Variants in THRB observed in about 807,000 individuals in gnomAD.
THRB encodes nuclear receptor subfamily 1 group A member 2.
THRB carries 12 observed loss-of-function variants against 47.8 expected under a neutral mutation model. The observed-to-expected ratio is 0.25, with a 90% CI of 0.16 to 0.41. The LOEUF (loss-of-function observed/expected upper bound fraction) is 0.41. Among genes scored for constraint, THRB ranks in the 10% least tolerant of loss-of-function variants. The pLI, the probability that THRB is intolerant of heterozygous loss-of-function variation, is 1.00. For synonymous variants in THRB, 218 were observed against 212.2 expected (o/e 1.03, Z -0.24); for missense variants, 348 against 589.2 (o/e 0.59, Z 4.24).
intron 3 of THRB, among the ~76,000 whole-genome samples, chr3:24,293,151 T>C (rs2056112157): frequency 6.6e-6 from 1 of 152,170 alleles, no homozygotes; most frequent in Non-Finnish European, 1.5e-5. Flanking sequence ...CCATCATCAT[T>C]TTGGGGTGGT....
At chr3:24,233,198 A>C (rs1184703915) in intron 3 of THRB, among the ~76,000 whole-genome samples, 1 of 152,218 alleles carries the variant, frequency 6.6e-6, no homozygotes, top group Non-Finnish European at 1.5e-5. Flanking sequence ...GAAACTGAAA[A>C]GTAAATGGAA....
chr3:24,281,967 C>T (rs1337491642), intron 3 of THRB, among the ~76,000 whole-genome samples: 2 of 145,580 alleles, frequency 1.4e-5, no homozygotes, highest in Non-Finnish European at 3.0e-5. Context: ...GAGAGTTAGA[C>T]TCCCACACAT....
chr3:24,458,468 C>T (rs1047739895), intron 1 of THRB: 5 of 152,116 alleles, frequency 3.3e-5, no homozygotes, highest in African/African-American at 1.2e-4. Context: ...TGAAGAATAC[C>T]CCATTTGCAA....
intron 1 of THRB, among the ~76,000 whole-genome samples, chr3:24,418,241 G>C (rs2068920095): frequency 8.1e-6 from 1 of 123,216 alleles, no homozygotes; most frequent in Admixed American, 8.1e-5. Flanking sequence ...CAAGGGTATA[G>C]GGATTAAAAA....
At chr3:24,341,218 AACATGAGATT>A (rs1223171553) in intron 1 of THRB, among the ~76,000 whole-genome samples, 1 of 87,412 alleles carries the variant, frequency 1.1e-5, no homozygotes, top group Admixed American at 1.4e-4. Flanking sequence ...TAAAACAATT[AACATGAGATT>A]ACCTTTTTTT....
chr3:24,422,759 A>G (rs2069389813), intron 1 of THRB, among the ~76,000 whole-genome samples: 1 of 151,908 alleles, frequency 6.6e-6, no homozygotes. Context: ...TCCAGAATCC[A>G]ACAATGAAGG....
chr3:24,158,216 A>T (rs558093355), intron 5 of THRB, among the ~76,000 whole-genome samples: 1 of 152,298 alleles, frequency 6.6e-6, no homozygotes, highest in Non-Finnish European at 1.5e-5. Context: ...GTAACGATCA[A>T]CTGAACTAGA....
chr3:24,484,725 C>T (rs912006450), intron 1 of THRB, among the ~76,000 whole-genome samples: 3 of 152,112 alleles, frequency 2.0e-5, no homozygotes, highest in African/African-American at 4.8e-5. Context: ...TTTTGTACTA[C>T]AATGGCAGAC....
intron 3 of THRB, among the ~76,000 whole-genome samples, chr3:24,235,432 C>G (rs117362499): frequency 6.6e-6 from 1 of 152,138 alleles, no homozygotes; most frequent in Admixed American, 6.6e-5. Context: ...TCATCATCAA[C>G]CTTTTGTGGC....
At chr3:24,323,345 T>A (rs143983918) in intron 2 of THRB, among the ~76,000 whole-genome samples, 2 of 152,048 alleles carry the variant, frequency 1.3e-5, no homozygotes. Context: ...GCTCTGTTTG[T>A]TTTCAAATAG....
At chr3:24,326,382 C>T (rs563364942) in intron 2 of THRB, among the ~76,000 whole-genome samples, 34 of 152,186 alleles carry the variant, frequency 2.2e-4, no homozygotes, top group African/African-American at 7.2e-4. Context: ...ATTACAGGTG[C>T]CCACCACCAT....
chr3:24,155,138 A>G (rs568961188), intron 5 of THRB, among the ~76,000 whole-genome samples: 1 of 152,332 alleles, frequency 6.6e-6, no homozygotes, highest in South Asian at 2.1e-4. Flanking sequence ...CAATTTATGT[A>G]GATGGTGTTT....
At chr3:24,313,364 T>C (rs1470336872) in intron 2 of THRB, among the ~76,000 whole-genome samples, 2 of 152,196 alleles carry the variant, frequency 1.3e-5, no homozygotes, top group African/African-American at 2.4e-5. Flanking sequence ...TTGGATGTAG[T>C]GCTCCATCAA....
chr3:24,409,931 G>A (rs2068142093), intron 1 of THRB, among the ~76,000 whole-genome samples: 1 of 151,784 alleles, frequency 6.6e-6, no homozygotes, highest in South Asian at 2.1e-4. Context: ...TATTCATTCA[G>A]ATTATTTCAA....
intron 2 of THRB, among the ~76,000 whole-genome samples, chr3:24,305,846 C>G (rs2057299149): frequency 6.6e-6 from 1 of 152,156 alleles, no homozygotes; most frequent in South Asian, 2.1e-4. Context: ...ATGCAGCATT[C>G]AAAATCAGGT....
At chr3:24,189,590 A>G (rs1425176756) in intron 5 of THRB, among the ~76,000 whole-genome samples, 1 of 152,162 alleles carries the variant, frequency 6.6e-6, no homozygotes, top group African/African-American at 2.4e-5. Context: ...TGACACAAGG[A>G]TTTAATGAGT....
At chr3:24,482,029 TAAAC>T (rs140701073) in intron 1 of THRB, among the ~76,000 whole-genome samples, 3,381 of 152,168 alleles carry the variant, frequency 0.022, 127 homozygotes, top group African/African-American at 0.077. Flanking sequence ...TTGTTATCAA[TAAAC>T]AGACAGTAAC....
chr3:24,126,447 T>A (rs1001726733), intron 10 of THRB, among the ~76,000 whole-genome samples: 1 of 152,210 alleles, frequency 6.6e-6, no homozygotes, highest in Admixed American at 6.5e-5. Flanking sequence ...GAATTCTCGA[T>A]GTACTTGTGA....
chr3:24,326,501 G>A (rs149610741), intron 2 of THRB, among the ~76,000 whole-genome samples: 2,103 of 152,262 alleles, frequency 0.014, 22 homozygotes, highest in Non-Finnish European at 0.021. Context: ...CTCCCAAAGT[G>A]CTGGGATTAC....
Sources: gnomAD v4.1 joint callset for allele counts (sites outside exome capture counted in the v4.1 genomes callset) on GRCh38, gnomAD v4.1.1 for gene constraint, MANE v1.5 for transcripts, NCBI Gene and HGNC (gene_info 2026-07-23, HGNC 2026-07-21) for gene names.